SIGLEC5: variants seen among roughly 807,000 people sequenced by gnomAD.
The protein encoded by SIGLEC5 is sialic acid-binding Ig-like lectin 5.
SIGLEC5 carries 34 observed loss-of-function variants against 45.9 expected under a neutral mutation model. The ratio of observed to expected loss-of-function variants is 0.74; its 90% CI spans 0.56 to 0.99. The LOEUF (loss-of-function observed/expected upper bound fraction) is 0.99, where lower values mean the gene tolerates loss of function less well. Among genes scored for constraint, SIGLEC5 ranks in the 50% least tolerant of loss-of-function variants. The pLI, the probability that SIGLEC5 is intolerant of heterozygous loss-of-function variation, is 0.00. For synonymous variants in SIGLEC5, 203 were observed against 258.6 expected (o/e 0.79, Z 2.06); for missense variants, 508 against 629.6 (o/e 0.81, Z 2.07).
intron 6 of SIGLEC5, 78 bp from the exon 7 acceptor site, chr19:51,627,326 C>G: frequency 1.3e-6 from 2 of 1,550,170 alleles, no homozygotes; most frequent in South Asian, 2.3e-5. Context: ...GCAACTTGCT[C>G]CAGGGCCCTG....
At chr19:51,627,439 C>T (rs531006998) in intron 6 of SIGLEC5, 23 bp downstream of exon 6, 1 of 1,599,214 alleles carries the variant, frequency 6.3e-7, no homozygotes, top group East Asian at 2.2e-5. Context: ...CAGGCCCCTG[C>T]CCTCTGCAAT....
chr19:51,612,562 C>T (rs538588177), intron 8 of SIGLEC5, 140 bp from the exon 9 acceptor site: 2 of 619,620 alleles, frequency 3.2e-6, no homozygotes, highest in Admixed American at 6.9e-5. Context: ...AGGGCTTAGT[C>T]ACCTGGACAC....
In SIGLEC5 at chr19:51,627,678, G is replaced by A. The variant is rs8108078; in HGVS notation, c.1066C>T (p.Arg356Ter). The A allele has an allele frequency of 7.9e-3, 12,663 of 1,609,988 alleles. 857 individuals are homozygous for A. The African/African-American group carries it at 0.14, about 18-fold the overall frequency. The change falls in exon 6 of 9, where the codon CGA becomes TGA. Residue 356 changes from arginine (R) to a stop codon, truncating the protein, a stop_gained. Transcript: ENST00000683636. LOFTEE classifies it high-confidence loss of function. Reference protein sequence around the residue: ...AEGLHCRCSFRARPAPSLCWR... With the variant: ...AEGLHCRCSF ...CACAGGGAGGGGGCCGGCCGGGCTC[G>A]AAAGGAGCATCTGCAGTGCAGACCC...
intron 8 of SIGLEC5, among the ~76,000 whole-genome samples, chr19:51,622,477 A>AT (rs1983329736): frequency 6.7e-6 from 1 of 150,284 alleles, no homozygotes; most frequent in Non-Finnish European, 1.5e-5. Flanking sequence ...AAAAAAAAAA[A>AT]GGACCAAGAA....
chr19:51,627,881 T>C lies in SIGLEC5; in HGVS notation c.950A>G (p.Gln317Arg). The change falls in exon 5 of 9, where the codon CAG (glutamine) becomes CGG (arginine). Residue 317 changes from glutamine (Q) to arginine (R), a missense_variant. Gln to Arg is a conservative substitution (Grantham distance 43). This residue lies in a region of SIGLEC5 where 431 missense variants were observed against 428.8 expected (regional missense o/e 1.01). Transcript: ENST00000683636. Reference protein sequence around the residue: ...AEEGGFTCRAQHPLGFLQIFL... With the variant: ...AEEGGFTCRARHPLGFLQIFL... Reference sequence around the variant, plus strand: ...AATTTGCAGGAAGCCCAGCGGGTGCTGAGCGCGGCAGGTGAAGCCTCCTTC... The same window carrying C: ...AATTTGCAGGAAGCCCAGCGGGTGCCGAGCGCGGCAGGTGAAGCCTCCTTC... 6.2e-7 allele frequency: 1 copy of C among 1,612,706 alleles called. No individual in the cohort carries two copies. The highest frequency in any genetic ancestry group is 2.2e-5 in the East Asian group (1 of 44,878).
In SIGLEC5 at chr19:51,612,185, G is replaced by T; in HGVS notation, c.*46C>A. The T allele has an allele frequency of 6.7e-7, 1 of 1,484,784 alleles. No individual in the cohort carries two copies. Among genetic ancestry groups the T allele is most frequent in the South Asian group, 1.3e-5 (1 of 75,488 alleles). 92.0% of individuals were successfully genotyped at this position (1,484,784 alleles called of 1,614,324 possible). On this transcript the variant is annotated 3_prime_UTR_variant, in exon 9 of 9. Coordinates refer to ENST00000683636, the MANE Select transcript of SIGLEC5 (RefSeq NM_003830.4). Reference sequence around the variant, plus strand: ...GGTCCCTGACTTGTCCTTTCCCCCAGACAGGCTGTGGCTCCTCCAGCCAGG... The same window carrying T: ...GGTCCCTGACTTGTCCTTTCCCCCATACAGGCTGTGGCTCCTCCAGCCAGG...
intron 8 of SIGLEC5, among the ~76,000 whole-genome samples, chr19:51,617,254 TAA>T (rs34056987): frequency 1.3e-4 from 17 of 130,300 alleles, no homozygotes; most frequent in South Asian, 7.1e-4. Context: ...GACTCCACCT[TAA>T]AAAAAAAAAA....
intron 3 of SIGLEC5, 80 bp downstream of exon 3, chr19:51,629,278 A>C (rs1983634396): frequency 1.3e-5 from 20 of 1,563,012 alleles, no homozygotes; most frequent in Admixed American, 3.4e-5. Flanking sequence ...CCTTACACAC[A>C]CACACACACA....
intron 7 of SIGLEC5, 69 bp from the exon 8 acceptor site, chr19:51,626,182 A>C: frequency 8.0e-7 from 1 of 1,242,448 alleles, no homozygotes; most frequent in Admixed American, 1.7e-5. Context: ...GTCCCATCCC[A>C]TGCTAAGATG....
intron 8 of SIGLEC5, among the ~76,000 whole-genome samples, chr19:51,624,491 A>G (rs10414149): frequency 0.3 from 44,951 of 151,898 alleles, 7,508 homozygotes; most frequent in African/African-American, 0.45. Flanking sequence ...AAAGTGAAAA[A>G]GTAAAAGTAA....
intron 8 of SIGLEC5, among the ~76,000 whole-genome samples, chr19:51,612,781 G>A (rs945020525): frequency 6.6e-6 from 1 of 152,286 alleles, no homozygotes; most frequent in South Asian, 2.1e-4. Context: ...CAGAACTCCT[G>A]CCTGCTAGCT....
chr19:51,627,737 T>A lies in SIGLEC5; in HGVS notation c.1007A>T (p.Gln336Leu), dbSNP rs376401216. Residue 336 changes from glutamine (Q) to leucine (L), a missense_variant, in exon 6 of 9, where the codon CAG becomes CTG. Around this residue, in one of 2 missense-constraint regions of SIGLEC5, gnomAD observed 431 missense variants for 428.8 expected, o/e 1.01. Transcript: ENST00000683636. Reference sequence around the variant, plus strand: ...CCAGGAGCAGGAGGGGCCCAGCAACTGTGGGAGGGCTGTGGGGAGGGAGGA... The same window carrying A: ...CCAGGAGCAGGAGGGGCCCAGCAACAGTGGGAGGGCTGTGGGGAGGGAGGA... ...FLNLSVYSLP[Q>L]LLGPSCSWEA... 6.9e-6 allele frequency: 11 copies of A among 1,585,464 alleles called. No homozygotes were observed. Among genetic ancestry groups the A allele is most frequent in the East Asian group, 6.7e-5 (3 of 44,542 alleles).
intron 7 of SIGLEC5, 23 bp downstream of exon 7, chr19:51,627,126 C>A (rs758494025): frequency 1.3e-6 from 2 of 1,590,948 alleles, no homozygotes; most frequent in Non-Finnish European, 1.7e-6. Flanking sequence ...CCACCCTGTA[C>A]CTTCCCTGGG....
Sources: allele counts gnomAD v4.1 joint callset (sites outside exome capture counted in the v4.1 genomes callset), GRCh38; gene constraint gnomAD v4.1.1; regional missense constraint gnomAD v4.1.1; transcripts MANE v1.5; gene names NCBI Gene and HGNC (gene_info 2026-07-23, HGNC 2026-07-21).